The following C12orf42 variants were observed in gnomAD, a reference collection of about 807,000 sequenced individuals.
C12orf42 encodes chromosome 12 open reading frame 42, also known as uncharacterized protein C12orf42.
C12orf42 carries 25 observed loss-of-function variants against 21.6 expected under a neutral mutation model. The ratio of observed to expected loss-of-function variants is 1.16; its 90% confidence interval spans 0.84 to 1.62. The LOEUF (loss-of-function observed/expected upper bound fraction) is 1.62. Ranked by LOEUF, C12orf42 falls within the 40% of genes most tolerant of loss-of-function variation. The pLI is 0.00. For synonymous variants in C12orf42, 174 were observed against 175.0 expected (o/e 0.99, Z 0.05); for missense variants, 483 against 459.3 (o/e 1.05, Z -0.47).
the C12orf42 span, among the ~76,000 whole-genome samples, chr12:103,543,955 G>A: frequency 1.0e-4 from 15 of 150,438 alleles, no homozygotes; most frequent in South Asian, 2.1e-3. Context: ...GTGCAGTGGC[G>A]CGATCTCAGC....
the C12orf42 span, among the ~76,000 whole-genome samples, chr12:103,217,642 G>T: frequency 6.6e-6 from 1 of 151,984 alleles, no homozygotes; most frequent in African/African-American, 2.4e-5. Flanking sequence ...CCCATGCTGT[G>T]CCGGCTACTT....
At chr12:103,404,346 A>G (rs2048269870) in intron 2 of C12orf42, among the ~76,000 whole-genome samples, 2 of 152,236 alleles carry the variant, frequency 1.3e-5, no homozygotes, top group Admixed American at 1.3e-4. Flanking sequence ...CAACAAGGCA[A>G]AAATAAATAA....
chr12:103,082,248 A>G, the C12orf42 span, among the ~76,000 whole-genome samples: 87 of 152,234 alleles, frequency 5.7e-4, 1 homozygote, highest in Non-Finnish European at 1.0e-3. Flanking sequence ...TATCATCTCA[A>G]TCAGGGCAAT....
chr12:103,225,056 G>C, the C12orf42 span, among the ~76,000 whole-genome samples: 4 of 152,210 alleles, frequency 2.6e-5, no homozygotes, highest in Admixed American at 6.5e-5. Context: ...CGGCAGTACA[G>C]CCTAGGTAAT....
chr12:103,483,662 T>C (rs1475011160), intron 1 of C12orf42, among the ~76,000 whole-genome samples: 1 of 152,182 alleles, frequency 6.6e-6, no homozygotes, highest in South Asian at 2.1e-4. Flanking sequence ...TTTTCTTTTT[T>C]TTCTTTCTTG....
chr12:103,541,364 G>A, the C12orf42 span, among the ~76,000 whole-genome samples: 1 of 151,994 alleles, frequency 6.6e-6, no homozygotes, highest in Non-Finnish European at 1.5e-5. Context: ...TGACATTTTG[G>A]TCAATGGTAG....
the C12orf42 span, among the ~76,000 whole-genome samples, chr12:103,535,764 G>T: frequency 6.6e-6 from 1 of 152,216 alleles, no homozygotes; most frequent in East Asian, 1.9e-4. Flanking sequence ...GAGGGAAGTA[G>T]ATCTGTGAGA....
At chr12:103,155,798 C>CATATACCAGTATGTG in the C12orf42 span, among the ~76,000 whole-genome samples, 1 of 147,094 alleles carries the variant, frequency 6.8e-6, no homozygotes, top group Admixed American at 6.9e-5. Context: ...AGTACATATA[C>CATATACCAGTATGTG]ATATACCAGT....
chr12:103,048,055 G>A, the C12orf42 span, among the ~76,000 whole-genome samples: 1 of 152,066 alleles, frequency 6.6e-6, no homozygotes, highest in African/African-American at 2.4e-5. Flanking sequence ...AATAACTAGG[G>A]CAATTTTTAC....
At chr12:103,073,316 C>CTCAAATT in the C12orf42 span, among the ~76,000 whole-genome samples, 4 of 152,036 alleles carry the variant, frequency 2.6e-5, no homozygotes, top group Admixed American at 6.6e-5. Context: ...CATGTGTACC[C>CTCAAATT]TCAAATTTAA....
intron 1 of C12orf42, among the ~76,000 whole-genome samples, chr12:103,487,276 T>C (rs959866030): frequency 1.3e-5 from 2 of 152,236 alleles, no homozygotes; most frequent in South Asian, 2.1e-4. Flanking sequence ...TGAGTGAGTT[T>C]CTTAATCCTG....
chr12:103,529,522 T>A, the C12orf42 span, among the ~76,000 whole-genome samples: 1 of 152,148 alleles, frequency 6.6e-6, no homozygotes, highest in Non-Finnish European at 1.5e-5. Context: ...TTCTGAACAA[T>A]ACCACCCTAT....
At chr12:103,095,714 T>A in the C12orf42 span, among the ~76,000 whole-genome samples, 3 of 152,218 alleles carry the variant, frequency 2.0e-5, no homozygotes, top group Non-Finnish European at 4.4e-5. Flanking sequence ...TTTGTTCAAT[T>A]GTTGTGTCCT....
chr12:103,105,342 A>T, the C12orf42 span, among the ~76,000 whole-genome samples: 3 of 152,176 alleles, frequency 2.0e-5, no homozygotes, highest in African/African-American at 7.2e-5. Flanking sequence ...TTAAAAGATA[A>T]TATAACATGG....
chr12:103,526,463 A>G, the C12orf42 span, among the ~76,000 whole-genome samples: 1 of 152,216 alleles, frequency 6.6e-6, no homozygotes, highest in Non-Finnish European at 1.5e-5. Context: ...AAGTTTCAGC[A>G]TATGTGTCGT....
chr12:103,560,389 G>A, the C12orf42 span, among the ~76,000 whole-genome samples: 686 of 152,364 alleles, frequency 4.5e-3, 9 homozygotes, highest in African/African-American at 0.016. Context: ...GGGCACACAT[G>A]GGCCACATCC....
intron 4 of C12orf42, among the ~76,000 whole-genome samples, chr12:103,331,615 A>G (rs1334766182): frequency 6.6e-6 from 1 of 152,158 alleles, no homozygotes; most frequent in African/African-American, 2.4e-5. Context: ...ATGTGGTCCC[A>G]GTTTACTCAT....
At chr12:103,282,285 G>A (rs1453887319) in intron 4 of C12orf42, among the ~76,000 whole-genome samples, 2 of 152,138 alleles carry the variant, frequency 1.3e-5, no homozygotes, top group Non-Finnish European at 2.9e-5. Context: ...AGATGAGAGA[G>A]GAAGTGAAAT....
At chr12:103,156,798 C>T in the C12orf42 span, among the ~76,000 whole-genome samples, 1 of 152,170 alleles carries the variant, frequency 6.6e-6, no homozygotes, top group East Asian at 1.9e-4. Context: ...CTGCAAAGGA[C>T]ATGATTTCAT....
Sources: allele counts gnomAD v4.1 joint callset (sites outside exome capture counted in the v4.1 genomes callset), GRCh38; gene constraint gnomAD v4.1.1; transcripts MANE v1.5; gene names NCBI Gene and HGNC (gene_info 2026-07-23, HGNC 2026-07-21).